The following DSCAML1 variants were observed in gnomAD, a reference collection of about 807,000 sequenced individuals.
DSCAML1 encodes DS cell adhesion molecule like 1, also known as cell adhesion molecule DSCAML1.
In DSCAML1, 38 loss-of-function variants were observed where a neutral mutation model predicts 200.5. The ratio of observed to expected loss-of-function variants is 0.19; its 90% CI spans 0.15 to 0.25. The LOEUF is 0.25. Among genes scored for constraint, DSCAML1 ranks in the 10% least tolerant of loss-of-function variants. The probability of loss-of-function intolerance (pLI) is 1.00; values close to 1 mark genes in which losing one functional copy is unlikely to be tolerated. For synonymous variants in DSCAML1, 1,215 were observed against 1,165.0 expected (o/e 1.04, Z -0.87); for missense variants, 2,223 against 2,858.8 (o/e 0.78, Z 5.07).
chr11:117,658,345 T>A (rs1324331980), intron 3 of DSCAML1, among the ~76,000 whole-genome samples: 1 of 152,188 alleles, frequency 6.6e-6, no homozygotes, highest in Non-Finnish European at 1.5e-5. Flanking sequence ...CACAGTCTGA[T>A]GTGAGGAGAC....
At chr11:117,620,948 G>T (rs2051915428) in intron 3 of DSCAML1, among the ~76,000 whole-genome samples, 1 of 152,168 alleles carries the variant, frequency 6.6e-6, no homozygotes, top group South Asian at 2.1e-4. Flanking sequence ...GTAGTACCAG[G>T]CATACATAGT....
At chr11:117,464,899 A>C in intron 17 of DSCAML1, 43 bp downstream of exon 17, 1 of 1,600,588 alleles carries the variant, frequency 6.2e-7, no homozygotes, top group Non-Finnish European at 8.5e-7. Flanking sequence ...GGCTCTGCCC[A>C]TGGCAGGAAT....
Position 117,551,563 on chromosome 11 carries a change from A to G in DSCAML1, c.512-19041T>C, listed in dbSNP as rs555093313. On this transcript the variant is annotated intron_variant, in intron 3 of 32. Coordinates refer to ENST00000651296, the MANE Select transcript of DSCAML1 (RefSeq NM_020693.4). ...CGTGTTGGGTGCAGGGTAGAAAGGG[A>G]AGGGAAGAACTGGATTGGGGGCATG... Among the ~76,000 whole-genome samples the G allele has an allele frequency of 2.6e-4, 40 of 152,214 alleles. No homozygotes were observed. The East Asian group carries it at 7.5e-3, about 29-fold the overall frequency.
Position 117,459,946 on chromosome 11 carries a change from G to A in DSCAML1, c.3413-1037C>T, listed in dbSNP as rs1360281793. ...AGAAGACTCCAGGTCAGTGAAGGAGGACCCTCGGAGGTCAGAGCAGCAGGG... is the reference window on the plus strand; with the variant it reads ...AGAAGACTCCAGGTCAGTGAAGGAGAACCCTCGGAGGTCAGAGCAGCAGGG... On this transcript the variant is annotated intron_variant, in intron 18 of 32. Transcript: ENST00000651296. Among the ~76,000 whole-genome samples the A allele has an allele frequency of 2.6e-5, 4 of 152,368 alleles. No individual in the cohort carries two copies. The East Asian group carries it at 7.7e-4, about 29-fold the overall frequency.
At position 117,443,948 on chromosome 11, in the gene DSCAML1, G is replaced by C; in HGVS notation, c.3800C>G (p.Ala1267Gly). 6.2e-7 allele frequency: 1 copy of C among 1,613,406 alleles called. No homozygotes were observed. Among genetic ancestry groups the C allele is most frequent in the Non-Finnish European group, 8.5e-7 (1 of 1,179,830 alleles). ...RGQQYLLWVA[A>G]VTSAGRGNSS... ...GTTGCCCCGGCCGGCAGAGGTGACG[G>C]CGGCCACCCACAGCAGATACTGCTG... is the stretch of plus-strand genomic sequence containing the variant. Residue 1267 changes from alanine (A) to glycine (G), a missense_variant, in exon 21 of 33, where the codon GCC becomes GGC. Ala to Gly is a moderately conservative substitution (Grantham distance 60). This residue lies in a region of DSCAML1 where 614 missense variants were observed against 739.1 expected (regional missense o/e 0.83). Transcript: ENST00000651296.
intron 3 of DSCAML1, among the ~76,000 whole-genome samples, chr11:117,549,398 TTGAA>T (rs1432237794): frequency 2.6e-5 from 4 of 152,190 alleles, no homozygotes. Context: ...GAATGGATGA[TTGAA>T]TGAGCGCATG....
upstream of DSCAML1, among the ~76,000 whole-genome samples, chr11:117,798,742 C>T (rs2134082815): frequency 6.6e-6 from 1 of 152,250 alleles, no homozygotes; most frequent in Middle Eastern, 3.4e-3. Flanking sequence ...CTTCACTCAG[C>T]ATAATGTTTT....
chr11:117,641,836 C>A (rs1565845387), intron 3 of DSCAML1, among the ~76,000 whole-genome samples: 1 of 152,128 alleles, frequency 6.6e-6, no homozygotes, highest in Admixed American at 6.5e-5. Flanking sequence ...ATCTATGGTG[C>A]ACCTACTGCA....
At position 117,516,841 on chromosome 11, in the gene DSCAML1, G is replaced by A. The variant is rs1439286867; in HGVS notation, c.1511-102C>T. On this transcript the variant is annotated intron_variant, in intron 7 of 32. Transcript: ENST00000651296. This position sits in a 1 kb window ranked among gnomAD's most constrained non-coding sequence, Gnocchi z 5.7. ...CCTGCGGTGCTCTTCTCAGGCACTC[G>A]GCCCCTGAGACTTTCGGGGGCGGAC... 8.5e-6 allele frequency: 12 copies of A among 1,409,504 alleles called. No homozygotes were observed. The highest frequency in any genetic ancestry group is 1.4e-5 in the African/African-American group (1 of 70,094). 87.3% of individuals were successfully genotyped at this position (1,409,504 alleles called of 1,614,324 possible).
intron 3 of DSCAML1, among the ~76,000 whole-genome samples, chr11:117,734,544 C>A (rs554660741): frequency 6.6e-6 from 1 of 152,220 alleles, no homozygotes; most frequent in South Asian, 2.1e-4. Flanking sequence ...TTATTTTAAA[C>A]CTTGAATTGT....
At chr11:117,428,938 A>C (rs2137052185) in intron 32 of DSCAML1, 135 bp from the exon 33 acceptor site, 1 of 750,812 alleles carries the variant, frequency 1.3e-6, no homozygotes, top group South Asian at 1.8e-5. Context: ...GGGGGCAATA[A>C]AGAGTAGCGG....
intron 3 of DSCAML1, among the ~76,000 whole-genome samples, chr11:117,687,424 C>CTTTTTTTTTTT (rs1440234665): frequency 3.9e-5 from 2 of 51,812 alleles, no homozygotes; most frequent in Admixed American, 2.6e-4. Context: ...CCATGCCTGG[C>CTTTTTTTTTTT]TATTTTTTTT....
chr11:117,790,322 G>A (rs1263804457), intron 1 of DSCAML1, among the ~76,000 whole-genome samples: 1 of 152,214 alleles, frequency 6.6e-6, no homozygotes, highest in Non-Finnish European at 1.5e-5. Flanking sequence ...ATGGGAGGAG[G>A]GAGAAGAGGT....
intron 3 of DSCAML1, among the ~76,000 whole-genome samples, chr11:117,585,832 T>C (rs1193553731): frequency 1.3e-5 from 2 of 152,204 alleles, no homozygotes; most frequent in African/African-American, 4.8e-5. Flanking sequence ...CGTGGAGAAC[T>C]TCTTGGCCAT....
At chr11:117,548,088 T>TA (rs2050408220) in intron 3 of DSCAML1, among the ~76,000 whole-genome samples, 1 of 152,192 alleles carries the variant, frequency 6.6e-6, no homozygotes, top group South Asian at 2.1e-4. Context: ...GTACTGTCCC[T>TA]AGAGAGTAAG....
chr11:117,804,793 G>A (rs539628711), intron 1 of DSCAML1, among the ~76,000 whole-genome samples: 7 of 152,290 alleles, frequency 4.6e-5, no homozygotes, highest in South Asian at 2.1e-4. Context: ...AGCCAGGCAC[G>A]GTGGTGCATG....
At chr11:117,613,660 C>A (rs2051746202) in intron 3 of DSCAML1, among the ~76,000 whole-genome samples, 2 of 152,190 alleles carry the variant, frequency 1.3e-5, no homozygotes, top group African/African-American at 4.8e-5. Flanking sequence ...CCCCTCCCTG[C>A]CAGGAGACTT....
intron 3 of DSCAML1, among the ~76,000 whole-genome samples, chr11:117,563,937 C>G (rs1031049736): frequency 6.6e-6 from 1 of 152,032 alleles, no homozygotes; most frequent in African/African-American, 2.4e-5. Flanking sequence ...GTGACGGGTG[C>G]CAGTCTAACT....
chr11:117,582,500 T>C (rs1388619513), intron 3 of DSCAML1, among the ~76,000 whole-genome samples: 1 of 152,226 alleles, frequency 6.6e-6, no homozygotes, highest in Non-Finnish European at 1.5e-5. Flanking sequence ...TAAAAGTGCA[T>C]TGACCTAGTT....
Sources: gnomAD v4.1 joint callset for allele counts (sites outside exome capture counted in the v4.1 genomes callset) on GRCh38, gnomAD v4.1.1 for gene constraint, gnomAD v4.1.1 regional missense constraint, Gnocchi (gnomAD v3.1) non-coding constraint, MANE v1.5 for transcripts, NCBI Gene and HGNC (gene_info 2026-07-23, HGNC 2026-07-21) for gene names.